Variants in TMOD3 observed in about 807,000 individuals in gnomAD.
The protein encoded by TMOD3 is tropomodulin 3.
In TMOD3, 20 loss-of-function variants were observed where a neutral mutation model predicts 39.2. The observed-to-expected ratio is 0.51, with a 90% CI of 0.36 to 0.74. TMOD3 has a LOEUF of 0.74. Ranked by LOEUF, TMOD3 falls within the 30% of genes least tolerant of loss-of-function variation. TMOD3 has a pLI of 0.00. For synonymous variants in TMOD3, 143 were observed against 145.8 expected, an observed-to-expected ratio of 0.98 and a Z score of 0.14; for missense variants, 381 against 412.8, an observed-to-expected ratio of 0.92 and a Z score of 0.67.
In TMOD3 at chr15:51,911,699, TATACTC is replaced by T. The variant is rs1382018722; in HGVS notation, c.*2893_*2898del. 1.3e-5 allele frequency: 2 copies of T among 152,228 alleles called. No homozygotes were observed. Among genetic ancestry groups the T allele is most frequent in the East Asian group, 1.9e-4 (1 of 5,204 alleles). The allele number at this position is 152,228 out of a possible 1,614,324, so 9.4% of individuals were successfully genotyped here. A position where few individuals can be genotyped will look rare whatever the true frequency, so the allele number is the denominator to read the frequency against. On this transcript the variant is annotated 3_prime_UTR_variant, in exon 10 of 10. Transcript: ENST00000308580. ...TTTTATTACCCATTTTATAAAATGTTATACTCATATTTGTCTGAATTTTTCCAGTAT... is the reference window on the plus strand; with the variant it reads ...TTTTATTACCCATTTTATAAAATGTTATATTTGTCTGAATTTTTCCAGTAT...
At position 51,893,904 on chromosome 15, in the gene TMOD3, A is replaced by G; in HGVS notation, c.586A>G (p.Asn196Asp). ...VEESLKRTKENDAHLVEVNLN... is the reference protein window; with the variant it reads ...VEESLKRTKEDDAHLVEVNLN... ...AGAGAGTTTGAAGAGAACTAAAGAA[A>G]ACGATGCTCATCTTGTTGAAGTTAA... Residue 196 changes from asparagine (N) to aspartate (D), a missense_variant, in exon 6 of 10, where the codon AAC (asparagine) becomes GAC (aspartate). Coordinates refer to ENST00000308580, the MANE Select transcript of TMOD3 (RefSeq NM_014547.5). 1 of 1,608,266 alleles carries G rather than the reference A, an allele frequency of 6.2e-7. No individual in the cohort carries two copies. Among genetic ancestry groups the G allele is most frequent in the South Asian group, 1.1e-5 (1 of 89,942 alleles).
At chr15:51,834,084 T>A (rs1228961036) in intron 1 of TMOD3, among the ~76,000 whole-genome samples, 1 of 152,344 alleles carries the variant, frequency 6.6e-6, no homozygotes. Context: ...AGTATCTTTT[T>A]TTGTGAATTG....
intron 1 of TMOD3, among the ~76,000 whole-genome samples, chr15:51,856,668 A>G (rs2056389330): frequency 6.6e-6 from 1 of 152,102 alleles, no homozygotes; most frequent in African/African-American, 2.4e-5. Context: ...GCCAATGAAC[A>G]TATGAAAAGA....
intron 1 of TMOD3, among the ~76,000 whole-genome samples, chr15:51,839,826 T>G (rs1316360425): frequency 6.6e-6 from 1 of 152,184 alleles, no homozygotes; most frequent in Non-Finnish European, 1.5e-5. Flanking sequence ...AACATTTCTT[T>G]TTGGAATTTG....
chr15:51,857,502 G>A lies in TMOD3; in HGVS notation c.-74-5309G>A, dbSNP rs1221782533. 3.3e-5 allele frequency among the ~76,000 whole-genome samples: 5 copies of A among 152,234 alleles called. No individual in the cohort carries two copies. The East Asian group carries it at 9.6e-4, about 29-fold the overall frequency. On this transcript the variant is annotated intron_variant, in intron 1 of 9. Transcript: ENST00000308580. ...CATGTTCCAACTTTACAGAACCTGG[G>A]TGGCATATAGCATTGCCTGCCTTTG...
At chr15:51,906,084 G>C (rs1826153585) in intron 9 of TMOD3, among the ~76,000 whole-genome samples, 5 of 152,022 alleles carry the variant, frequency 3.3e-5, no homozygotes, top group Admixed American at 3.3e-4. Flanking sequence ...GTGAGCACCA[G>C]GTGAGAAAGA....
intron 1 of TMOD3, among the ~76,000 whole-genome samples, chr15:51,841,327 A>G (rs1489269187): frequency 1.3e-5 from 2 of 152,244 alleles, no homozygotes; most frequent in African/African-American, 4.8e-5. Context: ...TTATTCTATC[A>G]CTAAAGGTAA....
intron 1 of TMOD3, chr15:51,861,126 T>C (rs577602380): frequency 1.5e-5 from 8 of 521,088 alleles, no homozygotes; most frequent in South Asian, 1.2e-4. Flanking sequence ...TTGAACATAA[T>C]TGATAAAGTC....
intron 3 of TMOD3, among the ~76,000 whole-genome samples, chr15:51,886,036 G>A (rs1032118001): frequency 4.2e-4 from 64 of 151,896 alleles, no homozygotes; most frequent in African/African-American, 1.4e-3. Context: ...CGGGGTGGCT[G>A]CCGGGCGGAG....
Position 51,869,313 on chromosome 15 carries a change from A to G in TMOD3, c.223A>G (p.Lys75Glu), listed in dbSNP as rs1410931215. ...DREHLLSYLE[K>E]EALEHKDRED... is the part of the protein sequence containing the mutation. ...AGAGCATCTCCTTTCATATCTGGAG[A>G]AAGAAGCATTGGAGCATAAAGACAG... Residue 75 changes from lysine (K) to glutamate (E), a missense_variant, in exon 3 of 10, where the codon AAA (lysine) becomes GAA (glutamate). Physicochemically the swap from Lys to Glu is moderately conservative, Grantham distance 56. Transcript: ENST00000308580. 1 of 1,614,186 alleles carries G rather than the reference A, an allele frequency of 6.2e-7. No individual in the cohort carries two copies. The highest frequency in any genetic ancestry group is 8.5e-7 in the Non-Finnish European group (1 of 1,180,016).
intron 1 of TMOD3, among the ~76,000 whole-genome samples, chr15:51,847,076 C>T (rs898653088): frequency 2.0e-5 from 3 of 152,064 alleles, no homozygotes; most frequent in Non-Finnish European, 2.9e-5. Context: ...TGCTACTATT[C>T]GTCAGAAAAG....
chr15:51,854,858 C>T (rs940295642), intron 1 of TMOD3, among the ~76,000 whole-genome samples: 1 of 152,048 alleles, frequency 6.6e-6, no homozygotes, highest in Non-Finnish European at 1.5e-5. Context: ...TTATAGAAAG[C>T]TAAAATTTAA....
intron 1 of TMOD3, among the ~76,000 whole-genome samples, chr15:51,839,178 T>C (rs1310038348): frequency 6.8e-6 from 1 of 147,642 alleles, no homozygotes; most frequent in Non-Finnish European, 1.5e-5. Flanking sequence ...TTTTTTTTTT[T>C]CCATTTTGTT....
At chr15:51,866,753 A>G (rs1432083274) in intron 2 of TMOD3, among the ~76,000 whole-genome samples, 1 of 152,204 alleles carries the variant, frequency 6.6e-6, no homozygotes, top group Non-Finnish European at 1.5e-5. Context: ...TTCAGTAAAT[A>G]TTTGGGGGCA....
At chr15:51,835,496 A>G (rs1042730099) in intron 1 of TMOD3, among the ~76,000 whole-genome samples, 1 of 152,124 alleles carries the variant, frequency 6.6e-6, no homozygotes, top group Non-Finnish European at 1.5e-5. Context: ...TTTAGTAGAG[A>G]TGGAGTTTCA....
chr15:51,888,701 T>G (rs1352039166), intron 4 of TMOD3, among the ~76,000 whole-genome samples: 1 of 152,254 alleles, frequency 6.6e-6, no homozygotes, highest in Non-Finnish European at 1.5e-5. Context: ...TTTTGTCATA[T>G]TATGTTCCTA....
chr15:51,863,511 C>T (rs550699358), intron 2 of TMOD3, among the ~76,000 whole-genome samples: 124 of 152,330 alleles, frequency 8.1e-4, no homozygotes, highest in Middle Eastern at 3.4e-3. Context: ...ATACAGCAGT[C>T]CACTGTGGAG....
intron 3 of TMOD3, among the ~76,000 whole-genome samples, chr15:51,874,565 C>T (rs999585468): frequency 9.2e-5 from 14 of 152,186 alleles, no homozygotes; most frequent in African/African-American, 3.4e-4. Context: ...TAGTTCCCAT[C>T]ATATTTTTAC....
At chr15:51,886,234 G>A (rs2056562189) in intron 3 of TMOD3, among the ~76,000 whole-genome samples, 1 of 151,934 alleles carries the variant, frequency 6.6e-6, no homozygotes, top group African/African-American at 2.4e-5. Flanking sequence ...GGGCAGCCAG[G>A]CCGAGACGCT....
Sources: gnomAD v4.1 joint callset for allele counts (sites outside exome capture counted in the v4.1 genomes callset) on GRCh38, gnomAD v4.1.1 for gene constraint, MANE v1.5 for transcripts, NCBI Gene and HGNC (gene_info 2026-07-23, HGNC 2026-07-21) for gene names.